WDR24: variants seen among roughly 807,000 people sequenced by gnomAD.
WDR24 encodes the protein WD repeat domain 24, also known as GATOR2 complex protein WDR24.
WDR24 carries 32 observed loss-of-function variants against 66.7 expected under a neutral mutation model. That is an observed-to-expected ratio of 0.48 (90% CI 0.36 to 0.64). The LOEUF (loss-of-function observed/expected upper bound fraction) is 0.64. Ranked by LOEUF, WDR24 falls within the 30% of genes least tolerant of loss-of-function variation. The pLI is 0.00. For missense variants in WDR24, 978 were observed against 1,144.1 expected, an observed-to-expected ratio of 0.85 and a Z score of 2.09; for synonymous variants, 565 against 469.1, an observed-to-expected ratio of 1.20 and a Z score of -2.64.
Position 686,795 on chromosome 16 carries a change from G to A in WDR24, c.1281C>T (p.Ala427=), listed in dbSNP as rs756705061. 4.7e-5 allele frequency: 75 copies of A among 1,610,892 alleles called. No individual in the cohort carries two copies. The highest frequency in any genetic ancestry group is 1.8e-4 in the Admixed American group (11 of 59,930). The change falls in exon 3 of 9, where the codon GCC becomes GCT. Residue 427 remains alanine (A), a synonymous_variant. Transcript: ENST00000293883. The part of the protein sequence containing the change: ...ERYALAGRPL[A]ELCDHNAKVA... ...CCTTTGCGTTGTGGTCACAGAGCTC[G>A]GCCAGTGGCCGGCCAGCCAGCGCAT...
Position 690,386 on chromosome 16 carries a change from C to G in WDR24, c.-746G>C, listed in dbSNP as rs1480431808. 2.2e-6 allele frequency: 1 copy of G among 456,698 alleles called. No homozygotes were observed. The highest frequency in any genetic ancestry group is 2.3e-5 in the Admixed American group (1 of 42,580). 28.3% of individuals were successfully genotyped at this position (456,698 alleles called of 1,614,324 possible). A position where few individuals can be genotyped will look rare whatever the true frequency, so the allele number is the denominator to read the frequency against. On this transcript the variant is annotated 5_prime_UTR_variant, in exon 1 of 9. Transcript: ENST00000293883. Reference sequence around the variant, plus strand: ...AAAGCGCACGGTTGTCCGGAACCGCCGCGCCGGAAGCCGCTGTCTTTCCCG... The same window carrying G: ...AAAGCGCACGGTTGTCCGGAACCGCGGCGCCGGAAGCCGCTGTCTTTCCCG...
intron 1 of WDR24, chr16:688,954 G>C: frequency 1.3e-6 from 1 of 740,946 alleles, no homozygotes; most frequent in East Asian, 2.8e-5. Flanking sequence ...CTCATCTCTT[G>C]CCTCTTCCCA....
In WDR24 at chr16:684,876, G is replaced by A. The variant is rs757059860; in HGVS notation, c.2231C>T (p.Ala744Val). Residue 744 changes from alanine to valine, a missense_variant, in exon 9 of 9, where the codon GCC (alanine) becomes GTC (valine). By Grantham distance (64) the Ala-to-Val change is moderately conservative. Transcript: ENST00000293883. ...DRCHRCASMC[A>V]VCHHVVKGLF... is the part of the protein sequence containing the mutation. ...ACCCTTGACTACGTGGTGGCAGACG[G>A]CACACATGCTGGCGCAGCGGTGGCA... 9 of 1,229,560 alleles carry A rather than the reference G, an allele frequency of 7.3e-6. No individual in the cohort carries two copies. The highest frequency in any genetic ancestry group is 2.6e-4 in the Middle Eastern group (1 of 3,868). The allele number at this position is 1,229,560 out of a possible 1,614,324, so 76.2% of individuals were successfully genotyped here.
chr16:687,704 T>C lies in WDR24; in HGVS notation c.517A>G (p.Ile173Val), dbSNP rs1268178209. ...SESVRDVQFS[I>V]RDYFTFASTF... is the part of the protein sequence containing the mutation. ...GAGGCGAAGGTGAAGTAGTCCCGGA[T>C]ACTGAACTGCACGTCCCGCACGCTC... The change falls in exon 2 of 9, where the codon ATC (isoleucine) becomes GTC (valine). Residue 173 changes from isoleucine to valine, a missense_variant. Transcript: ENST00000293883. The C allele has an allele frequency of 2.5e-6, 4 of 1,613,602 alleles. No homozygotes were observed. The highest frequency in any genetic ancestry group is 1.3e-5 in the African/African-American group (1 of 75,056).
At chr16:688,714 G>A (rs1291703117) in intron 1 of WDR24, among the ~76,000 whole-genome samples, 1 of 152,224 alleles carries the variant, frequency 6.6e-6, no homozygotes, top group Non-Finnish European at 1.5e-5. Context: ...TCGGGGAGCT[G>A]GGCCTGTTAG....
chr16:686,094 G>A lies in WDR24; in HGVS notation c.1425C>T (p.Gly475=). The change falls in exon 4 of 9, where the codon GGC becomes GGT. Residue 475 remains glycine, a synonymous_variant. Transcript: ENST00000293883. ...ANLNHSVGKG[G]SCGLPLMNSF... ...TGTTCATGAGCGGGAGGCCACAGGAGCCACCCTTGCCCACACTGTGGTTGA... is the reference window on the plus strand; with the variant it reads ...TGTTCATGAGCGGGAGGCCACAGGAACCACCCTTGCCCACACTGTGGTTGA... 3 of 1,613,072 alleles carry A rather than the reference G, an allele frequency of 1.9e-6. No homozygotes were observed. Among genetic ancestry groups the A allele is most frequent in the East Asian group, 2.2e-5 (1 of 44,880 alleles).
At chr16:687,849 G>A (rs762011921) in intron 1 of WDR24, 110 bp from the exon 2 acceptor site, 22 of 1,412,384 alleles carry the variant, frequency 1.6e-5, no homozygotes, top group Non-Finnish European at 2.0e-5. Flanking sequence ...CAGAACAGAG[G>A]CCCAGAGGGT....
intron 3 of WDR24, among the ~76,000 whole-genome samples, chr16:686,416 C>G (rs1418419424): frequency 1.3e-5 from 2 of 152,204 alleles, no homozygotes; most frequent in Non-Finnish European, 2.9e-5. Context: ...ACTTGCGGGG[C>G]AGCTAGAGAT....
At chr16:687,767 A>C (rs1229851936) in intron 1 of WDR24, 28 bp from the exon 2 acceptor site, 10 of 1,606,548 alleles carry the variant, frequency 6.2e-6, no homozygotes, top group Non-Finnish European at 6.8e-6. Context: ...ATGCAGGGGA[A>C]GTGACGGGGC....
chr16:688,968 G>T, intron 1 of WDR24, 192 bp downstream of exon 1: 1 of 845,874 alleles, frequency 1.2e-6, no homozygotes, highest in Non-Finnish European at 1.8e-6. Flanking sequence ...CTTCCCACTT[G>T]ACTGCCCTGG....
chr16:684,885 CT>C lies in WDR24; in HGVS notation c.2221del (p.Ser741AlafsTer9). On this transcript the variant is annotated frameshift_variant, in exon 9 of 9. Transcript: ENST00000293883. LOFTEE classifies it high-confidence loss of function. ...TACGTGGTGGCAGACGGCACACATGCTGGCGCAGCGGTGGCACCTGGGGGCG... is the reference window on the plus strand; with the variant it reads ...TACGTGGTGGCAGACGGCACACATGCGGCGCAGCGGTGGCACCTGGGGGCG... ...WVCDRCHRCA[S>X]MCAVCHHVVK... 1.2e-6 allele frequency: 1 copy of C among 865,682 alleles called. No homozygotes were observed. The highest frequency in any genetic ancestry group is 1.6e-6 in the Non-Finnish European group (1 of 606,948). 53.6% of individuals were successfully genotyped at this position (865,682 alleles called of 1,614,324 possible).
chr16:686,708 G>T, intron 3 of WDR24, 36 bp downstream of exon 3: 1 of 1,553,272 alleles, frequency 6.4e-7, no homozygotes, highest in Non-Finnish European at 8.7e-7. Context: ...CCCTGAGGTC[G>T]TGGCCCAGGG....
Position 686,924 on chromosome 16 carries a change from G to C in WDR24, c.1152C>G (p.Asp384Glu). Reference protein sequence around the residue: ...RHPIFFKRKLDPAEPFAGLAS... With the variant: ...RHPIFFKRKLEPAEPFAGLAS... Reference sequence around the variant, plus strand: ...CGAGGCCTGCGAAGGGCTCGGCAGGGTCCAGCTTGCGCTTAAAGAAGATGG... The same window carrying C: ...CGAGGCCTGCGAAGGGCTCGGCAGGCTCCAGCTTGCGCTTAAAGAAGATGG... Residue 384 changes from aspartate to glutamate, a missense_variant, in exon 3 of 9, where the codon GAC becomes GAG. Physicochemically the swap from Asp to Glu is conservative, Grantham distance 45. This residue lies in a region of WDR24 where 676 missense variants were observed against 617.5 expected (regional missense o/e 1.09). Coordinates refer to ENST00000293883, the MANE Select transcript of WDR24 (RefSeq NM_032259.4). The C allele has an allele frequency of 6.2e-7, 1 of 1,605,854 alleles. No homozygotes were observed. The highest frequency in any genetic ancestry group is 8.5e-7 in the Non-Finnish European group (1 of 1,178,790).
In WDR24 at chr16:687,567, C is replaced by T. The variant is rs780548755; in HGVS notation, c.654G>A (p.Glu218=). Residue 218 remains glutamate, a synonymous_variant, in exon 2 of 9, where the codon GAG becomes GAA. Transcript: ENST00000293883. ...GPVFCCDWHP[E]DRGWLATGGR... is the part of the protein sequence containing the mutation. ...CCTGCACCCCCATGCCACACCTGTC[C>T]TCGGGGTGCCAGTCGCAGCAGAAGA... The T allele has an allele frequency of 3.0e-5, 49 of 1,612,402 alleles. 2 individuals carry two copies. The Middle Eastern group carries it at 4.9e-4, about 16-fold the overall frequency.
rs2039952495 is a variant in WDR24, at chr16:690,369, C to G, written c.-729G>C. ...ACCCCAATCTTTTACTAAAAGCGCA[C>G]GGTTGTCCGGAACCGCCGCGCCGGA... is the stretch of plus-strand genomic sequence containing the variant. On this transcript the variant is annotated 5_prime_UTR_variant, in exon 1 of 9. Coordinates refer to ENST00000293883, the MANE Select transcript of WDR24 (RefSeq NM_032259.4). 2.2e-6 allele frequency: 1 copy of G among 456,686 alleles called. No homozygotes were observed. The highest frequency in any genetic ancestry group is 4.4e-6 in the Non-Finnish European group (1 of 226,944). The allele number at this position is 456,686 out of a possible 1,614,324, so 28.3% of individuals were successfully genotyped here. A position where few individuals can be genotyped will look rare whatever the true frequency, so the allele number is the denominator to read the frequency against.
intron 4 of WDR24, 37 bp downstream of exon 4, chr16:686,031 G>A: frequency 6.2e-7 from 1 of 1,612,726 alleles, no homozygotes; most frequent in South Asian, 1.1e-5. Context: ...GGCTCGAGCA[G>A]CCCCAGCCCC....
At chr16:688,736 C>CA (rs1469532414) in intron 1 of WDR24, among the ~76,000 whole-genome samples, 1 of 152,246 alleles carries the variant, frequency 6.6e-6, no homozygotes, top group Non-Finnish European at 1.5e-5. Context: ...AAAAGGGCCC[C>CA]AGGGCACTGG....
chr16:688,989 G>A (rs984051840), intron 1 of WDR24, 171 bp downstream of exon 1: 25 of 1,074,518 alleles, frequency 2.3e-5, no homozygotes, highest in Admixed American at 1.4e-4. Context: ...CTCACATGCC[G>A]TCCAGCCCAA....
At position 687,732 on chromosome 16, in the gene WDR24, C is replaced by T. The variant is rs774461953; in HGVS notation, c.489G>A (p.Ser163=). The T allele has an allele frequency of 1.4e-5, 22 of 1,612,746 alleles. No individual in the cohort carries two copies. The highest frequency in any genetic ancestry group is 2.2e-5 in the East Asian group (1 of 44,858). The change falls in exon 2 of 9, where the codon TCG becomes TCA. Residue 163 remains serine (S), a synonymous_variant. Transcript: ENST00000293883. The stretch of plus-strand genomic sequence containing the variant: ...TGAACTGCACGTCCCGCACGCTCTC[C>T]GACTGGCCTGCAGGCAGGAGGTCGA... ...KDSVSTFSGQ[S]ESVRDVQFSI... is the part of the protein sequence containing the mutation.
Sources: gnomAD v4.1 joint callset for allele counts (sites outside exome capture counted in the v4.1 genomes callset) on GRCh38, gnomAD v4.1.1 for gene constraint, gnomAD v4.1.1 regional missense constraint, MANE v1.5 for transcripts, NCBI Gene and HGNC (gene_info 2026-07-23, HGNC 2026-07-21) for gene names.